The following SLC43A2 variants were observed in gnomAD, a reference collection of about 807,000 sequenced individuals.
SLC43A2 encodes large neutral amino acids transporter small subunit 4.
A neutral mutation model predicts 63.2 loss-of-function variants in SLC43A2; 38 were observed. That is an observed-to-expected ratio of 0.60 (90% CI 0.46 to 0.79). The LOEUF (loss-of-function observed/expected upper bound fraction) is 0.79. Ranked by LOEUF, SLC43A2 falls within the 30% of genes least tolerant of loss-of-function variation. SLC43A2 has a pLI of 0.00. For synonymous variants in SLC43A2, 322 were observed against 331.0 expected, an observed-to-expected ratio of 0.97 and a Z score of 0.30; for missense variants, 644 against 756.2, an observed-to-expected ratio of 0.85 and a Z score of 1.74.
At chr17:1,579,271 G>A (rs1217332596) in intron 11 of SLC43A2, among the ~76,000 whole-genome samples, 4 of 151,130 alleles carry the variant, frequency 2.6e-5, no homozygotes, top group Admixed American at 1.3e-4. Context: ...GATCAGCCTG[G>A]CCAACACAGT....
At chr17:1,596,343 G>T (rs1411161468) in intron 5 of SLC43A2, among the ~76,000 whole-genome samples, 1 of 151,922 alleles carries the variant, frequency 6.6e-6, no homozygotes. Flanking sequence ...GTGAAAACAG[G>T]CTGGGAGTGG....
intron 11 of SLC43A2, among the ~76,000 whole-genome samples, chr17:1,580,208 G>A (rs571191909): frequency 2.0e-5 from 3 of 152,278 alleles, no homozygotes; most frequent in East Asian, 1.9e-4. Context: ...GTGAGCCACC[G>A]TGCCCGGCCA....
Position 1,605,329 on chromosome 17 carries a change from G to C in SLC43A2, c.501+7866C>G. ...GCAGCTGCAGGCGGCCCCTCCCCTG[G>C]CATTCTGGCCATAGAGCATGACCAC... On this transcript the variant is annotated intron_variant, in intron 5 of 13. Coordinates refer to ENST00000301335, the MANE Select transcript of SLC43A2 (RefSeq NM_152346.3). The surrounding 1 kb of genome is among the most constrained non-coding windows in gnomAD (Gnocchi z 4.9). 7.0e-6 allele frequency: 5 copies of C among 711,522 alleles called. No homozygotes were observed. The highest frequency in any genetic ancestry group is 5.3e-6 in the Non-Finnish European group (3 of 567,924). 44.1% of individuals were successfully genotyped at this position (711,522 alleles called of 1,614,324 possible).
intron 5 of SLC43A2, among the ~76,000 whole-genome samples, chr17:1,596,046 C>A (rs867006508): frequency 6.6e-6 from 1 of 152,116 alleles, no homozygotes; most frequent in East Asian, 1.9e-4. Flanking sequence ...GAGAGCCGGG[C>A]GCGGTGGCTC....
intron 2 of SLC43A2, 46 bp downstream of exon 2, chr17:1,627,669 A>G: frequency 8.9e-7 from 1 of 1,127,302 alleles, no homozygotes; most frequent in Non-Finnish European, 1.2e-6. Context: ...CCCCTCCCAA[A>G]GCCCCAGCTC....
intron 3 of SLC43A2, among the ~76,000 whole-genome samples, chr17:1,615,709 G>A (rs1355932584): frequency 6.7e-6 from 1 of 148,910 alleles, no homozygotes; most frequent in Admixed American, 6.7e-5. Flanking sequence ...CGGGCGTGGT[G>A]GCAGGCGCCT....
At chr17:1,610,002 C>G (rs572765619) in intron 5 of SLC43A2, among the ~76,000 whole-genome samples, 3 of 152,016 alleles carry the variant, frequency 2.0e-5, no homozygotes, top group East Asian at 3.9e-4. Flanking sequence ...CTCCGCCACC[C>G]AGGTTCAAGC....
At chr17:1,602,431 A>G (rs1389707402) in intron 5 of SLC43A2, among the ~76,000 whole-genome samples, 1 of 152,120 alleles carries the variant, frequency 6.6e-6, no homozygotes, top group Admixed American at 6.6e-5. Flanking sequence ...GGATCACCTG[A>G]GGTCAGGGGT....
chr17:1,609,321 C>T (rs1471318724), intron 5 of SLC43A2, among the ~76,000 whole-genome samples: 4 of 152,172 alleles, frequency 2.6e-5, no homozygotes, highest in African/African-American at 9.6e-5. Context: ...CCTGCCTCAG[C>T]CTCCCAAGTA....
chr17:1,578,348 G>T lies in SLC43A2; in HGVS notation c.1351-25C>A. 1 of 1,612,320 alleles carries T rather than the reference G, an allele frequency of 6.2e-7. No homozygotes were observed. The highest frequency in any genetic ancestry group is 8.5e-7 in the Non-Finnish European group (1 of 1,179,092). ...TCTGGGGGAGGAAAAGGCGACTGTG[G>T]GCATAAGGCCTTAAGGGACCGTCCC... On this transcript the variant is annotated intron_variant, in intron 11 of 13. Transcript: ENST00000301335. The surrounding 1 kb of genome is among the most constrained non-coding windows in gnomAD (Gnocchi z 6.5).
At chr17:1,622,108 G>C (rs1393489595) in intron 2 of SLC43A2, among the ~76,000 whole-genome samples, 1 of 152,206 alleles carries the variant, frequency 6.6e-6, no homozygotes, top group Non-Finnish European at 1.5e-5. Flanking sequence ...GCGGTGGGAA[G>C]AGCCAAGGCC....
At position 1,606,900 on chromosome 17, in the gene SLC43A2, G is replaced by A. The variant is rs1906671327; in HGVS notation, c.501+6295C>T. Among the ~76,000 whole-genome samples the A allele has an allele frequency of 6.6e-6, 1 of 152,238 alleles. No homozygotes were observed. Among genetic ancestry groups the A allele is most frequent in the African/African-American group, 2.4e-5 (1 of 41,472 alleles). On this transcript the variant is annotated intron_variant, in intron 5 of 13. Transcript: ENST00000301335. The surrounding 1 kb of genome is among the most constrained non-coding windows in gnomAD (Gnocchi z 4.7). ...GCGACAGCCACCCTTGCCCCTCGGAGCCTCCACTTGGGAGGGAAATACCAC... is the reference window on the plus strand; with the variant it reads ...GCGACAGCCACCCTTGCCCCTCGGAACCTCCACTTGGGAGGGAAATACCAC...
Position 1,616,596 on chromosome 17 carries a change from T to TA in SLC43A2, c.333_334insT (p.Lys112Ter). 6.2e-7 allele frequency: 1 copy of TA among 1,613,854 alleles called. No individual in the cohort carries two copies. Among genetic ancestry groups the TA allele is most frequent in the Non-Finnish European group, 8.5e-7 (1 of 1,179,900 alleles). On this transcript the variant is annotated frameshift_variant, in exon 3 of 14. Transcript: ENST00000301335. LOFTEE classifies it high-confidence loss of function. ...AGCCTGAGCTTCCTCGGGCCATACT[T>TA]GTCCATGACGATACCCAGGGGCAGG... is the stretch of plus-strand genomic sequence containing the variant.
intron 5 of SLC43A2, among the ~76,000 whole-genome samples, chr17:1,598,860 C>T (rs933174845): frequency 1.3e-5 from 2 of 152,330 alleles, no homozygotes. Context: ...AGGGGCCTCC[C>T]AGCTGCTCCC....
At position 1,570,487 on chromosome 17, in the gene SLC43A2, GTT is replaced by G. The variant is rs1167305329; in HGVS notation, c.*5115_*5116del. 6.7e-5 allele frequency: 9 copies of G among 134,258 alleles called. No individual in the cohort carries two copies. Among genetic ancestry groups the G allele is most frequent in the South Asian group, 2.4e-4 (1 of 4,160 alleles). The allele number at this position is 134,258 out of a possible 1,614,324, so 8.3% of individuals were successfully genotyped here. On this transcript the variant is annotated 3_prime_UTR_variant, in exon 14 of 14. Transcript: ENST00000301335. ...GGGCACTGAAAACGATGCTACCATT[GTT>G]TTTTTTTTTTTTTTTGAGACGGAGT...
rs78680166 is a variant in SLC43A2 at position 1,593,717 on chromosome 17, G to C, written c.502-438C>G. Among the ~76,000 whole-genome samples the C allele has an allele frequency of 6.6e-6, 1 of 152,170 alleles. No homozygotes were observed. Among genetic ancestry groups the C allele is most frequent in the Non-Finnish European group, 1.5e-5 (1 of 68,034 alleles). On this transcript the variant is annotated intron_variant, in intron 5 of 13. Transcript: ENST00000301335. The surrounding 1 kb of genome is among the most constrained non-coding windows in gnomAD (Gnocchi z 5.3). ...AATAAAAATATCAGCATTCCAGAAAGACCAGATGTCAGCAAAAACTGCTTT... is the reference window on the plus strand; with the variant it reads ...AATAAAAATATCAGCATTCCAGAAACACCAGATGTCAGCAAAAACTGCTTT...
rs371228176 is a variant in SLC43A2, at chr17:1,571,501, T to C, written c.*4103A>G. ...CACATTCACGCGGCTGCCACACAAG[T>C]GCGTCGGAAACTCCACTTGGCTGAA... On this transcript the variant is annotated 3_prime_UTR_variant, in exon 14 of 14. Transcript: ENST00000301335. This position sits in a 1 kb window ranked among gnomAD's most constrained non-coding sequence, Gnocchi z 5.2. The C allele has an allele frequency of 1.3e-5, 2 of 152,208 alleles. No homozygotes were observed. Among genetic ancestry groups the C allele is most frequent in the African/African-American group, 4.8e-5 (2 of 41,428 alleles). The allele number at this position is 152,208 out of a possible 1,614,324, so 9.4% of individuals were successfully genotyped here. A position where few individuals can be genotyped will look rare whatever the true frequency, so the allele number is the denominator to read the frequency against.
In SLC43A2 at chr17:1,591,724, T is replaced by TGGGGGGG. The variant is rs552449883; in HGVS notation, c.595-32_595-26dup. The TGGGGGGG allele has an allele frequency of 9.9e-4, 218 of 220,080 alleles. 1 individual carries two copies. Among genetic ancestry groups the TGGGGGGG allele is most frequent in the South Asian group, 2.1e-3 (36 of 17,490 alleles). The allele number at this position is 220,080 out of a possible 1,614,324, so 13.6% of individuals were successfully genotyped here. A position where few individuals can be genotyped will look rare whatever the true frequency, so the allele number is the denominator to read the frequency against. On this transcript the variant is annotated intron_variant, in intron 6 of 13. Transcript: ENST00000301335. ...GCTGACAGGCACCGCGGGGACGGGG[T>TGGGGGGG]GGGGGGGGGAGGGGGCAGAGTTAGC...
upstream of SLC43A2, among the ~76,000 whole-genome samples, chr17:1,629,273 C>T (rs1209976667): frequency 6.6e-6 from 1 of 152,094 alleles, no homozygotes; most frequent in East Asian, 1.9e-4. Context: ...GGTCACCACG[C>T]CCAGATGCGC....
Sources: gnomAD v4.1 joint callset for allele counts (sites outside exome capture counted in the v4.1 genomes callset) on GRCh38, gnomAD v4.1.1 for gene constraint, Gnocchi (gnomAD v3.1) non-coding constraint, MANE v1.5 for transcripts, NCBI Gene and HGNC (gene_info 2026-07-23, HGNC 2026-07-21) for gene names.